The following MKLN1 variants were observed in gnomAD, a reference collection of about 807,000 sequenced individuals.
MKLN1 encodes the protein muskelin 1.
In MKLN1, 18 loss-of-function variants were observed where a neutral mutation model predicts 99.0. That is an observed-to-expected ratio of 0.18 (90% CI 0.13 to 0.27). MKLN1 has a LOEUF of 0.27. MKLN1 is among the 10% of genes least tolerant of loss of function. The pLI is 1.00. For missense variants in MKLN1, 621 were observed against 875.9 expected (o/e 0.71, Z 3.67); for synonymous variants, 288 against 293.2 (o/e 0.98, Z 0.18).
At chr7:131,410,146 T>G (rs1794833541) in intron 6 of MKLN1, among the ~76,000 whole-genome samples, 1 of 152,084 alleles carries the variant, frequency 6.6e-6, no homozygotes, top group Non-Finnish European at 1.5e-5. Flanking sequence ...TGTGGGGGGA[T>G]GTATGTAGGG....
chr7:131,277,772 A>G (rs1017318014), intron 3 of MKLN1, among the ~76,000 whole-genome samples: 1 of 152,152 alleles, frequency 6.6e-6, no homozygotes, highest in Non-Finnish European at 1.5e-5. Context: ...TAGCATTTAA[A>G]TATTTGTCTT....
chr7:131,133,761 A>T (rs1795599467), intron 1 of MKLN1, among the ~76,000 whole-genome samples: 1 of 130,314 alleles, frequency 7.7e-6, no homozygotes, highest in South Asian at 2.4e-4. Context: ...TGCTGGGATT[A>T]TAGGCATAAG....
intron 16 of MKLN1, among the ~76,000 whole-genome samples, chr7:131,476,711 T>G (rs1414844385): frequency 6.6e-6 from 1 of 152,232 alleles, no homozygotes. Context: ...TCTTTGTTGT[T>G]GTTGTCATTG....
In MKLN1 at chr7:131,153,654, G is replaced by GT. The variant is rs1326196270; in HGVS notation, c.-297+10721dup. Among the ~76,000 whole-genome samples, 3 of 62,482 alleles carry GT rather than the reference G, an allele frequency of 4.8e-5. No individual in the cohort carries two copies. In the South Asian group the frequency reaches 2.7e-3, roughly 57 times the overall value. The allele number at this position is 62,482 out of a possible 152,430, so 41.0% of individuals were successfully genotyped here. On this transcript the variant is annotated intron_variant, in intron 2 of 7. Transcript: ENST00000416992. ...CTGTGTAGCTACAAAATGAAAGTAG[G>GT]TTTTTTTTGGTTTTTTTTTTTTTTT...
Position 131,437,952 on chromosome 7 carries a change from G to C in MKLN1, c.1128G>C (p.Glu376Asp), listed in dbSNP as rs750243178. The C allele has an allele frequency of 6.2e-7, 1 of 1,613,888 alleles. No individual in the cohort carries two copies. The highest frequency in any genetic ancestry group is 2.2e-5 in the East Asian group (1 of 44,866). The change falls in exon 10 of 18, where the codon GAG (glutamate) becomes GAC (aspartate). Residue 376 changes from glutamate (E) to aspartate (D), a missense_variant. By Grantham distance (45) the Glu-to-Asp change is conservative. Coordinates refer to ENST00000352689, the MANE Select transcript of MKLN1 (RefSeq NM_013255.5). Reference protein sequence around the residue: ...IDTNTWMLLSEDTAADGGPKL... With the variant: ...IDTNTWMLLSDDTAADGGPKL... The stretch of plus-strand genomic sequence containing the variant: ...CAAACACATGGATGTTACTAAGTGA[G>C]GATACTGCTGCTGATGGAGGGCCGA...
intron 6 of MKLN1, among the ~76,000 whole-genome samples, chr7:131,399,713 CTG>C (rs1303590593): frequency 1.3e-5 from 2 of 152,118 alleles, no homozygotes; most frequent in Admixed American, 6.5e-5. Context: ...TAGCATTAAA[CTG>C]TATCAGAAAT....
At chr7:131,335,445 A>G (rs970901013) in intron 1 of MKLN1, among the ~76,000 whole-genome samples, 13 of 152,162 alleles carry the variant, frequency 8.5e-5, no homozygotes, top group African/African-American at 3.1e-4. Context: ...TAAGTAGTCT[A>G]ATATAAATCT....
At chr7:131,192,048 G>A (rs34725664) in intron 2 of MKLN1, among the ~76,000 whole-genome samples, 16,893 of 105,164 alleles carry the variant, frequency 0.16, 2,105 homozygotes, top group Admixed American at 0.17. Flanking sequence ...GTGTGTATAT[G>A]TATACATGTA....
At chr7:131,362,684 T>C (rs1327342340) in intron 1 of MKLN1, among the ~76,000 whole-genome samples, 2 of 152,106 alleles carry the variant, frequency 1.3e-5, no homozygotes, top group African/African-American at 4.8e-5. Context: ...TTTTCATCAC[T>C]TTCCAACCTC....
chr7:131,394,684 CA>C (rs1464361419), intron 4 of MKLN1, among the ~76,000 whole-genome samples: 1 of 152,000 alleles, frequency 6.6e-6, no homozygotes, highest in Admixed American at 6.5e-5. Flanking sequence ...ATACCCCATA[CA>C]TTTTCCTTAT....
intron 3 of MKLN1, among the ~76,000 whole-genome samples, chr7:131,211,499 T>C (rs1796905470): frequency 6.6e-6 from 1 of 152,210 alleles, no homozygotes; most frequent in East Asian, 1.9e-4. Flanking sequence ...AATTGGCTTA[T>C]CATATTCTGC....
chr7:131,219,136 A>G (rs996717075), intron 3 of MKLN1, among the ~76,000 whole-genome samples: 1 of 152,194 alleles, frequency 6.6e-6, no homozygotes, highest in Non-Finnish European at 1.5e-5. Flanking sequence ...TGGTCCAACA[A>G]TGTGAACACA....
intron 3 of MKLN1, among the ~76,000 whole-genome samples, chr7:131,261,879 C>T (rs374714192): frequency 1.6e-4 from 25 of 152,192 alleles, no homozygotes; most frequent in East Asian, 1.5e-3. Context: ...TAGTACTAAG[C>T]GAACTATTAA....
rs190731390 is a variant in MKLN1 at position 131,351,239 on chromosome 7, C to A, written c.98+23242C>A. Among the ~76,000 whole-genome samples the A allele has an allele frequency of 1.5e-3, 223 of 151,576 alleles. 1 individual carries two copies. Among genetic ancestry groups the A allele is most frequent in the African/African-American group, 5.3e-3 (218 of 41,334 alleles). ...CTCCAGCCTGGGCAACAGAGCAAGA[C>A]CCTGTCTCTTTTAAAAAAACAAAAA... On this transcript the variant is annotated intron_variant, in intron 1 of 17. Coordinates refer to ENST00000352689, the MANE Select transcript of MKLN1 (RefSeq NM_013255.5).
chr7:131,382,298 G>A (rs1226509198), intron 2 of MKLN1, among the ~76,000 whole-genome samples: 1 of 151,968 alleles, frequency 6.6e-6, no homozygotes. Context: ...CTGGGAGGCG[G>A]AGGTTGCAGT....
intron 6 of MKLN1, among the ~76,000 whole-genome samples, chr7:131,404,753 C>T (rs1007272220): frequency 1.3e-5 from 2 of 151,618 alleles, no homozygotes; most frequent in African/African-American, 2.4e-5. Flanking sequence ...TACAGGTGTG[C>T]GCCACTACAC....
At position 131,146,948 on chromosome 7, in the gene MKLN1, C is replaced by T. The variant is rs575809604; in HGVS notation, c.-297+4007C>T. Reference sequence around the variant, plus strand: ...CTTGTGACAAATGCTATAGCAGTTGCGTGTATGTTTTTTAAGTATGATGGA... The same window carrying T: ...CTTGTGACAAATGCTATAGCAGTTGTGTGTATGTTTTTTAAGTATGATGGA... On this transcript the variant is annotated intron_variant, in intron 2 of 7. Transcript: ENST00000416992. Among the ~76,000 whole-genome samples, 14 of 151,972 alleles carry T rather than the reference C, an allele frequency of 9.2e-5. No individual in the cohort carries two copies. In the South Asian group the frequency reaches 1.0e-3, roughly 11 times the overall value.
chr7:131,447,724 A>G (rs1486184837), intron 12 of MKLN1, among the ~76,000 whole-genome samples: 1 of 152,226 alleles, frequency 6.6e-6, no homozygotes, highest in Admixed American at 6.5e-5. Context: ...AGTGCTTATA[A>G]TCTAGCTAGT....
chr7:131,366,581 C>T (rs568884890), intron 1 of MKLN1, among the ~76,000 whole-genome samples: 18 of 152,160 alleles, frequency 1.2e-4, no homozygotes, highest in African/African-American at 3.9e-4. Flanking sequence ...GAGGCTGAGG[C>T]GGCAAGATCA....
Sources: allele counts gnomAD v4.1 joint callset (sites outside exome capture counted in the v4.1 genomes callset), GRCh38; gene constraint gnomAD v4.1.1; transcripts MANE v1.5; gene names NCBI Gene and HGNC (gene_info 2026-07-23, HGNC 2026-07-21).